Variants in CDH13 observed in about 807,000 individuals in gnomAD.
CDH13 encodes cadherin-13.
In CDH13, 24 loss-of-function variants were observed where a neutral mutation model predicts 63.8. The observed-to-expected ratio is 0.38, with a 90% CI of 0.27 to 0.53. CDH13 has a LOEUF of 0.53. Among genes scored for constraint, CDH13 ranks in the 20% least tolerant of loss-of-function variants. CDH13 has a pLI of 0.85. For missense variants in CDH13, 1,049 were observed against 903.1 expected (o/e 1.16, Z -2.07); for synonymous variants, 503 against 355.3 (o/e 1.42, Z -4.67).
chr16:83,388,057 T>G (rs912221652), intron 6 of CDH13, among the ~76,000 whole-genome samples: 9 of 152,252 alleles, frequency 5.9e-5, no homozygotes, highest in Non-Finnish European at 8.8e-5. Flanking sequence ...TGACACCTAC[T>G]CTGACAGAGA....
intron 12 of CDH13, among the ~76,000 whole-genome samples, chr16:83,781,155 A>G (rs1269817078): frequency 6.6e-6 from 1 of 152,162 alleles, no homozygotes; most frequent in African/African-American, 2.4e-5. Flanking sequence ...GTCCTTCCAC[A>G]TAGGCAGGTG....
rs1461971812 is a variant in CDH13 at position 83,799,428 on chromosome 16, C to A, written c.*4398C>A. 1 of 152,114 alleles carries A rather than the reference C, an allele frequency of 6.6e-6. No homozygotes were observed. The highest frequency in any genetic ancestry group is 2.1e-4 in the South Asian group (1 of 4,818). The allele number at this position is 152,114 out of a possible 1,614,324, so 9.4% of individuals were successfully genotyped here. A position where few individuals can be genotyped will look rare whatever the true frequency, so the allele number is the denominator to read the frequency against. The stretch of plus-strand genomic sequence containing the variant: ...GGGGTGGGGTCTCAAAGGGTTTGCA[C>A]TGTGCTTTGCTATAAATCATTCAAA... On this transcript the variant is annotated 3_prime_UTR_variant, in exon 14 of 14. Transcript: ENST00000567109.
intron 7 of CDH13, among the ~76,000 whole-genome samples, chr16:83,553,380 A>G (rs554680809): frequency 1.2e-4 from 18 of 152,352 alleles, no homozygotes; most frequent in African/African-American, 4.3e-4. Flanking sequence ...CCCATCAACC[A>G]GAGAAAACTC....
chr16:83,391,749 T>C (rs1176071211), intron 6 of CDH13, among the ~76,000 whole-genome samples: 1 of 152,172 alleles, frequency 6.6e-6, no homozygotes, highest in Non-Finnish European at 1.5e-5. Context: ...AGTATTGCCA[T>C]TGGTTAGGCA....
chr16:83,115,179 G>A (rs896273416), intron 3 of CDH13, among the ~76,000 whole-genome samples: 21 of 152,226 alleles, frequency 1.4e-4, no homozygotes, highest in African/African-American at 5.1e-4. Flanking sequence ...AGTGTTTTTA[G>A]AGCAGATGGT....
chr16:83,604,612 T>C (rs748586524), intron 8 of CDH13, among the ~76,000 whole-genome samples: 7 of 152,242 alleles, frequency 4.6e-5, no homozygotes, highest in Non-Finnish European at 7.3e-5. Context: ...GGGGCTTTTT[T>C]TTCTAGGCTA....
At chr16:82,711,574 C>G (rs1019173184) in intron 1 of CDH13, among the ~76,000 whole-genome samples, 1 of 152,122 alleles carries the variant, frequency 6.6e-6, no homozygotes, top group Admixed American at 6.6e-5. Flanking sequence ...CCAACATAGA[C>G]CTACCTTCTT....
At chr16:83,632,385 A>G (rs1431295201) in intron 8 of CDH13, among the ~76,000 whole-genome samples, 2 of 152,114 alleles carry the variant, frequency 1.3e-5, no homozygotes, top group Non-Finnish European at 2.9e-5. Context: ...GTCCTCACTT[A>G]CAGAATAGGG....
chr16:83,168,690 T>C (rs545629424), intron 4 of CDH13, among the ~76,000 whole-genome samples: 1 of 152,156 alleles, frequency 6.6e-6, no homozygotes, highest in African/African-American at 2.4e-5. Flanking sequence ...TTTTTTTCTA[T>C]CCATATGAGT....
chr16:83,570,309 C>A (rs1192478493), intron 7 of CDH13, among the ~76,000 whole-genome samples: 1 of 152,140 alleles, frequency 6.6e-6, no homozygotes, highest in Non-Finnish European at 1.5e-5. Context: ...GGGGTCTTTT[C>A]TGTCTGTTCA....
chr16:83,536,347 C>G (rs1379386762), intron 7 of CDH13, among the ~76,000 whole-genome samples: 1 of 152,088 alleles, frequency 6.6e-6, no homozygotes, highest in Non-Finnish European at 1.5e-5. Context: ...CTGAGTTGAC[C>G]TGACCACGGT....
chr16:83,706,368 A>G (rs1411460568), intron 10 of CDH13, among the ~76,000 whole-genome samples: 2 of 152,168 alleles, frequency 1.3e-5, no homozygotes, highest in African/African-American at 4.8e-5. Context: ...ACGCTAACCC[A>G]CACTCTAGGG....
At chr16:83,062,808 C>A (rs2031675944) in intron 3 of CDH13, among the ~76,000 whole-genome samples, 1 of 152,102 alleles carries the variant, frequency 6.6e-6, no homozygotes, top group South Asian at 2.1e-4. Flanking sequence ...TTTCACATAG[C>A]TTTTTTCACC....
chr16:83,618,628 C>G (rs1826863243), intron 8 of CDH13, among the ~76,000 whole-genome samples: 1 of 152,082 alleles, frequency 6.6e-6, no homozygotes, highest in South Asian at 2.1e-4. Context: ...TATCATTGCA[C>G]TGTAGTCTGC....
chr16:83,495,898 T>A (rs2074130436), intron 7 of CDH13, among the ~76,000 whole-genome samples: 1 of 151,954 alleles, frequency 6.6e-6, no homozygotes, highest in Non-Finnish European at 1.5e-5. Context: ...ATGAGTGAAC[T>A]CCCATTCACA....
chr16:83,161,814 G>A (rs1485221411), intron 4 of CDH13, among the ~76,000 whole-genome samples: 3 of 152,068 alleles, frequency 2.0e-5, no homozygotes, highest in Non-Finnish European at 2.9e-5. Context: ...AAGATTCCCC[G>A]AGATGAGAGT....
At chr16:82,637,969 A>AT (rs1908894772) in intron 1 of CDH13, among the ~76,000 whole-genome samples, 6 of 152,202 alleles carry the variant, frequency 3.9e-5, no homozygotes, top group Admixed American at 3.9e-4. Flanking sequence ...GGAACAGCAG[A>AT]TAAAAACAAG....
intron 3 of CDH13, among the ~76,000 whole-genome samples, chr16:83,072,396 C>G (rs2032505541): frequency 6.6e-6 from 1 of 152,152 alleles, no homozygotes; most frequent in African/African-American, 2.4e-5. Flanking sequence ...ACAATATGAT[C>G]CTGTCTTCCA....
At chr16:82,907,854 C>A (rs2041700217) in intron 2 of CDH13, among the ~76,000 whole-genome samples, 1 of 152,138 alleles carries the variant, frequency 6.6e-6, no homozygotes. Context: ...ATGTTCCCCC[C>A]AAAGTAGAGA....
Sources: allele counts gnomAD v4.1 joint callset (sites outside exome capture counted in the v4.1 genomes callset), GRCh38; gene constraint gnomAD v4.1.1; transcripts MANE v1.5; gene names NCBI Gene and HGNC (gene_info 2026-07-23, HGNC 2026-07-21).